Variants in VPS13B observed in about 807,000 individuals in gnomAD.
VPS13B encodes the protein intermembrane lipid transfer protein VPS13B.
In VPS13B, 285 loss-of-function variants were observed where a neutral mutation model predicts 426.4. That is an observed-to-expected ratio of 0.67 (90% CI 0.61 to 0.74). The LOEUF (loss-of-function observed/expected upper bound fraction) is 0.74. Ranked by LOEUF, VPS13B falls within the 30% of genes least tolerant of loss-of-function variation. VPS13B has a pLI of 0.00. For synonymous variants in VPS13B, 1,676 were observed against 1,676.4 expected (o/e 1.00, Z 0.01); for missense variants, 4,537 against 4,782.6 (o/e 0.95, Z 1.51).
At chr8:99,621,816 G>GTTTTT (rs1828361477) in intron 33 of VPS13B, among the ~76,000 whole-genome samples, 1 of 113,462 alleles carries the variant, frequency 8.8e-6, no homozygotes, top group Non-Finnish European at 1.9e-5. Context: ...TTTTTGTTTT[G>GTTTTT]TTTCTTTTTT....
intron 35 of VPS13B, among the ~76,000 whole-genome samples, chr8:99,668,837 T>A (rs1830588369): frequency 6.6e-6 from 1 of 152,116 alleles, no homozygotes; most frequent in Admixed American, 6.6e-5. Context: ...AAGCTGTTTT[T>A]AAAATGTCGT....
chr8:99,669,031 G>T (rs1427039810), intron 35 of VPS13B, among the ~76,000 whole-genome samples: 2 of 152,098 alleles, frequency 1.3e-5, no homozygotes, highest in Non-Finnish European at 2.9e-5. Flanking sequence ...ACACTGGCAT[G>T]CTAGCCCTCC....
intron 39 of VPS13B, among the ~76,000 whole-genome samples, chr8:99,722,791 G>A (rs1257623191): frequency 1.3e-5 from 2 of 152,164 alleles, no homozygotes; most frequent in Admixed American, 6.5e-5. Flanking sequence ...ACAGGCGTGA[G>A]CCACCGTGCC....
chr8:99,315,628 A>C (rs1809600675), intron 19 of VPS13B, among the ~76,000 whole-genome samples: 1 of 148,490 alleles, frequency 6.7e-6, no homozygotes, highest in African/African-American at 2.5e-5. Flanking sequence ...TTTCCCCAGG[A>C]TTTTGTAAAT....
At chr8:99,334,558 C>T (rs936876722) in intron 19 of VPS13B, among the ~76,000 whole-genome samples, 2 of 152,154 alleles carry the variant, frequency 1.3e-5, no homozygotes, top group Admixed American at 6.6e-5. Context: ...GAGTTTTTAG[C>T]GTGAAGCGTT....
At chr8:99,133,140 A>G (rs1809890089) in intron 8 of VPS13B, among the ~76,000 whole-genome samples, 1 of 152,190 alleles carries the variant, frequency 6.6e-6, no homozygotes, top group East Asian at 1.9e-4. Context: ...TCTGTTGATT[A>G]GTGTAGCCAC....
chr8:99,358,598 A>C (rs1812319472), intron 19 of VPS13B, among the ~76,000 whole-genome samples: 1 of 152,242 alleles, frequency 6.6e-6, no homozygotes, highest in African/African-American at 2.4e-5. Context: ...AAAAACCTTC[A>C]AAAATTGTTA....
At chr8:99,635,244 A>G (rs1218079715) in intron 33 of VPS13B, among the ~76,000 whole-genome samples, 2 of 152,146 alleles carry the variant, frequency 1.3e-5, no homozygotes, top group African/African-American at 2.4e-5. Context: ...CTACTACATT[A>G]TAGCAAGGGC....
At chr8:99,493,330 C>T (rs1157182910) in intron 25 of VPS13B, among the ~76,000 whole-genome samples, 6 of 152,034 alleles carry the variant, frequency 3.9e-5, no homozygotes, top group Admixed American at 6.6e-5. Flanking sequence ...TCCCTCTTGT[C>T]CTACTCTCTA....
At chr8:99,230,618 C>T (rs574484853) in intron 17 of VPS13B, among the ~76,000 whole-genome samples, 87 of 152,316 alleles carry the variant, frequency 5.7e-4, no homozygotes, top group Admixed American at 2.2e-3. Context: ...ATGATTTAGG[C>T]AAGTCTCTTT....
At chr8:99,092,294 A>G (rs1846193219) in intron 3 of VPS13B, among the ~76,000 whole-genome samples, 1 of 152,218 alleles carries the variant, frequency 6.6e-6, no homozygotes, top group South Asian at 2.1e-4. Context: ...TCCCCAAGAG[A>G]AAACATTCTT....
At chr8:99,628,484 T>C (rs1045896406) in intron 33 of VPS13B, among the ~76,000 whole-genome samples, 16 of 152,184 alleles carry the variant, frequency 1.1e-4, no homozygotes, top group African/African-American at 3.9e-4. Context: ...TTCCTCATGT[T>C]TTCATTCATT....
At chr8:99,678,589 A>C (rs1831035345) in intron 35 of VPS13B, among the ~76,000 whole-genome samples, 1 of 151,532 alleles carries the variant, frequency 6.6e-6, no homozygotes, top group African/African-American at 2.4e-5. Flanking sequence ...TTTAAGAAAA[A>C]CTGTTTTGCA....
intron 33 of VPS13B, among the ~76,000 whole-genome samples, chr8:99,630,764 T>C (rs2133910292): frequency 6.6e-6 from 1 of 152,258 alleles, no homozygotes; most frequent in South Asian, 2.1e-4. Flanking sequence ...TTGAAAGTGT[T>C]CTGAGAGTAA....
rs71273165 is a variant in VPS13B, at chr8:99,128,386, CAAAAAAAAAAAAAAAAAAAAA to C, written c.1207-6225_1207-6205del. ...TGGGTGACAGAGCAAGATACTGTCC[CAAAAAAAAAAAAAAAAAAAAA>C]AAAAAAAAAAAAAAAAAAAATTTGT... On this transcript the variant is annotated intron_variant, in intron 8 of 61. Coordinates refer to ENST00000357162, the MANE Select transcript of VPS13B (RefSeq NM_152564.5). 3.8e-4 allele frequency among the ~76,000 whole-genome samples: 13 copies of C among 34,220 alleles called. No individual in the cohort carries two copies. In the South Asian group the frequency reaches 0.012, roughly 32 times the overall value. The allele number at this position is 34,220 out of a possible 152,430, so 22.4% of individuals were successfully genotyped here. A position where few individuals can be genotyped will look rare whatever the true frequency, so the allele number is the denominator to read the frequency against.
rs551038712 is a variant in VPS13B at position 99,309,839 on chromosome 8, G to T, written c.2824+34585G>T. Reference sequence around the variant, plus strand: ...ACATGGAAAGTTCTTCCATTTGTTTGTGTCATCTTTTATTTTGTTGAGCAG... The same window carrying T: ...ACATGGAAAGTTCTTCCATTTGTTTTTGTCATCTTTTATTTTGTTGAGCAG... On this transcript the variant is annotated intron_variant, in intron 19 of 61. Transcript: ENST00000357162. Among the ~76,000 whole-genome samples, 3 of 152,250 alleles carry T rather than the reference G, an allele frequency of 2.0e-5. No homozygotes were observed. The South Asian group carries it at 6.2e-4, about 32-fold the overall frequency.
At chr8:99,516,415 G>A (rs1003845685) in intron 29 of VPS13B, among the ~76,000 whole-genome samples, 1 of 152,034 alleles carries the variant, frequency 6.6e-6, no homozygotes, top group Non-Finnish European at 1.5e-5. Flanking sequence ...TAGTAAGTTG[G>A]AGTCAAGAGT....
intron 31 of VPS13B, among the ~76,000 whole-genome samples, chr8:99,575,065 C>G (rs1189902178): frequency 2.6e-5 from 4 of 151,972 alleles, no homozygotes; most frequent in Non-Finnish European, 5.9e-5. Context: ...ACTCAGGAGG[C>G]CAAGGTGGGA....
At chr8:99,156,439 A>G (rs887400349) in intron 14 of VPS13B, 110 bp from the exon 15 acceptor site, 4 of 1,007,198 alleles carry the variant, frequency 4.0e-6, no homozygotes, top group South Asian at 2.8e-5. Context: ...TCATTTCTAG[A>G]TTGATTTGAT....
Sources: allele counts gnomAD v4.1 joint callset (sites outside exome capture counted in the v4.1 genomes callset), GRCh38; gene constraint gnomAD v4.1.1; transcripts MANE v1.5; gene names NCBI Gene and HGNC (gene_info 2026-07-23, HGNC 2026-07-21).